Variants in ZBTB11 observed in about 807,000 individuals in gnomAD.
ZBTB11 encodes the protein zinc finger and BTB domain containing 11.
Under a neutral mutation model 113.1 loss-of-function variants are expected in ZBTB11, and 68 were observed. The ratio of observed to expected loss-of-function variants is 0.60; its 90% CI spans 0.49 to 0.74. The LOEUF is 0.74. Ranked by LOEUF, ZBTB11 falls within the 30% of genes least tolerant of loss-of-function variation. ZBTB11 has a pLI of 0.00. For synonymous variants in ZBTB11, 518 were observed against 452.6 expected, an observed-to-expected ratio of 1.14 and a Z score of -1.83; for missense variants, 1,104 against 1,279.4, an observed-to-expected ratio of 0.86 and a Z score of 2.09.
intron 1 of ZBTB11, 92 bp from the exon 2 acceptor site, chr3:101,672,305 C>A: frequency 1.2e-6 from 1 of 821,934 alleles, no homozygotes; most frequent in Non-Finnish European, 1.9e-6. Context: ...CATTTCAGTA[C>A]ATATGTGCAG....
Position 101,651,114 on chromosome 3 carries a change from T to C in ZBTB11, c.*52A>G. The C allele has an allele frequency of 6.7e-7, 1 of 1,501,414 alleles. No individual in the cohort carries two copies. Among genetic ancestry groups the C allele is most frequent in the Non-Finnish European group, 8.9e-7 (1 of 1,126,600 alleles). The allele number at this position is 1,501,414 out of a possible 1,614,324, so 93.0% of individuals were successfully genotyped here. ...CACACAGAATTGTAAACAAATGTTCTGTGAGTTCAGTGTACAAGAGATGTC... is the reference window on the plus strand; with the variant it reads ...CACACAGAATTGTAAACAAATGTTCCGTGAGTTCAGTGTACAAGAGATGTC... On this transcript the variant is annotated 3_prime_UTR_variant, in exon 11 of 11. Coordinates refer to ENST00000312938, the MANE Select transcript of ZBTB11 (RefSeq NM_014415.4).
chr3:101,654,115 C>T lies in ZBTB11; in HGVS notation c.2309+589G>A, dbSNP rs188960081. Among the ~76,000 whole-genome samples, 687 of 152,128 alleles carry T rather than the reference C, an allele frequency of 4.5e-3. 9 individuals are homozygous for T. The highest frequency in any genetic ancestry group is 0.016 in the African/African-American group (649 of 41,482). On this transcript the variant is annotated intron_variant, in intron 8 of 10. Coordinates refer to ENST00000312938, the MANE Select transcript of ZBTB11 (RefSeq NM_014415.4). ...AGTGCAGTGGTGTGATCTTGGCTCA[C>T]TGCAACCTCCCACCTCCAGGGTTCA...
In ZBTB11 at chr3:101,656,135, C is replaced by T; in HGVS notation, c.2160G>A (p.Arg720=). ...GAATACTCATATGTTCTTGAAGACTCCGTTTGGTAACAAATGACTTAACAC... is the reference window on the plus strand; with the variant it reads ...GAATACTCATATGTTCTTGAAGACTTCGTTTGGTAACAAATGACTTAACAC... ...ELCVKSFVTK[R]SLQEHMSIHT... Residue 720 remains arginine (R), a synonymous_variant, in exon 7 of 11, where the codon CGG becomes CGA. Transcript: ENST00000312938. The T allele has an allele frequency of 6.3e-7, 1 of 1,591,142 alleles. No individual in the cohort carries two copies. Among genetic ancestry groups the T allele is most frequent in the Non-Finnish European group, 8.5e-7 (1 of 1,170,386 alleles).
At position 101,676,794 on chromosome 3, in the gene ZBTB11, C is replaced by G; in HGVS notation, c.121G>C (p.Val41Leu). The G allele has an allele frequency of 6.2e-7, 1 of 1,612,006 alleles. No individual in the cohort carries two copies. The highest frequency in any genetic ancestry group is 8.5e-7 in the Non-Finnish European group (1 of 1,179,450). ...RKIRKAAACYVVRGGTLYYQR... is the reference protein window; with the variant it reads ...RKIRKAAACYLVRGGTLYYQR... The stretch of plus-strand genomic sequence containing the variant: ...TAATACAGAGTCCCGCCGCGCACCA[C>G]GTAGCAGGCGGCAGCTTTTCGGATT... The change falls in exon 1 of 11, where the codon GTG becomes CTG. Residue 41 changes from valine (V) to leucine (L), a missense_variant. By Grantham distance (32) the Val-to-Leu change is conservative. Coordinates refer to ENST00000312938, the MANE Select transcript of ZBTB11 (RefSeq NM_014415.4).
chr3:101,674,450 C>T (rs7651404), intron 1 of ZBTB11, among the ~76,000 whole-genome samples: 4 of 151,754 alleles, frequency 2.6e-5, no homozygotes, highest in East Asian at 1.9e-4. Flanking sequence ...GTGGCTTACA[C>T]CCGTAATCCC....
chr3:101,650,556 C>T lies in ZBTB11; in HGVS notation c.*610G>A, dbSNP rs1365825758. 3 of 152,486 alleles carry T rather than the reference C, an allele frequency of 2.0e-5. No homozygotes were observed. The highest frequency in any genetic ancestry group is 4.4e-5 in the Non-Finnish European group (3 of 68,002). The allele number at this position is 152,486 out of a possible 1,614,324, so 9.4% of individuals were successfully genotyped here. A position where few individuals can be genotyped will look rare whatever the true frequency, so the allele number is the denominator to read the frequency against. Reference sequence around the variant, plus strand: ...TAAATATATTGTGCAAACTTGATTACAACATGTAACTCATAAGTGCTTTAA... The same window carrying T: ...TAAATATATTGTGCAAACTTGATTATAACATGTAACTCATAAGTGCTTTAA... On this transcript the variant is annotated 3_prime_UTR_variant, in exon 11 of 11. Transcript: ENST00000312938.
At chr3:101,671,666 A>G in intron 2 of ZBTB11, 1 of 576,524 alleles carries the variant, frequency 1.7e-6, no homozygotes, top group Non-Finnish European at 3.0e-6. Context: ...GATTAATTTT[A>G]CCTTGGGGCG....
At position 101,650,926 on chromosome 3, in the gene ZBTB11, T is replaced by A. The variant is rs1936689991; in HGVS notation, c.*240A>T. The A allele has an allele frequency of 2.9e-6, 1 of 342,882 alleles. No individual in the cohort carries two copies. Among genetic ancestry groups the A allele is most frequent in the Non-Finnish European group, 5.3e-6 (1 of 189,408 alleles). 21.2% of individuals were successfully genotyped at this position (342,882 alleles called of 1,614,324 possible). A position where few individuals can be genotyped will look rare whatever the true frequency, so the allele number is the denominator to read the frequency against. Reference sequence around the variant, plus strand: ...CATGATAAACCACTGCCATCAAATATTAGGTTGGTGCAAAAGCAATTGCAC... The same window carrying A: ...CATGATAAACCACTGCCATCAAATAATAGGTTGGTGCAAAAGCAATTGCAC... On this transcript the variant is annotated 3_prime_UTR_variant, in exon 11 of 11. Transcript: ENST00000312938.
At position 101,654,778 on chromosome 3, in the gene ZBTB11, A is replaced by T; in HGVS notation, c.2235T>A (p.His745Gln). The T allele has an allele frequency of 6.2e-7, 1 of 1,614,198 alleles. No homozygotes were observed. Among genetic ancestry groups the T allele is most frequent in the East Asian group, 2.2e-5 (1 of 44,882 alleles). ...YLCSVCGKSF[H>Q]RGSGLSKHFK... Reference sequence around the variant, plus strand: ...AGTGCTTGCTGAGTCCAGAGCCCCTATGAAAAGACTTTCCACAAACTGAGC... The same window carrying T: ...AGTGCTTGCTGAGTCCAGAGCCCCTTTGAAAAGACTTTCCACAAACTGAGC... The change falls in exon 8 of 11, where the codon CAT (histidine) becomes CAA (glutamine). Residue 745 changes from histidine (H) to glutamine (Q), a missense_variant. By Grantham distance (24) the His-to-Gln change is conservative. Transcript: ENST00000312938.
In ZBTB11 at chr3:101,648,997, G is replaced by A. The variant is rs1936650329; in HGVS notation, c.*2169C>T. On this transcript the variant is annotated 3_prime_UTR_variant, in exon 11 of 11. Coordinates refer to ENST00000312938, the MANE Select transcript of ZBTB11 (RefSeq NM_014415.4). ...AGCAGGATGGATGGGGAGCTGGAAA[G>A]GGGATGGAGTGGGAAGATGATCTCC... 6.6e-6 allele frequency: 1 copy of A among 152,268 alleles called. No individual in the cohort carries two copies. The highest frequency in any genetic ancestry group is 2.4e-5 in the African/African-American group (1 of 41,448). 9.4% of individuals were successfully genotyped at this position (152,268 alleles called of 1,614,324 possible). A position where few individuals can be genotyped will look rare whatever the true frequency, so the allele number is the denominator to read the frequency against.
intron 10 of ZBTB11, 72 bp downstream of exon 10, chr3:101,652,424 C>G: frequency 7.0e-7 from 1 of 1,431,242 alleles, no homozygotes; most frequent in Non-Finnish European, 9.5e-7. Context: ...GGTGAAAGAG[C>G]TGGTAAAGGG....
At chr3:101,675,445 T>C (rs1056912401) in intron 1 of ZBTB11, among the ~76,000 whole-genome samples, 1 of 152,240 alleles carries the variant, frequency 6.6e-6, no homozygotes, top group Non-Finnish European at 1.5e-5. Context: ...ATTCAGTAAT[T>C]TCGTTATTCA....
intron 8 of ZBTB11, among the ~76,000 whole-genome samples, chr3:101,654,220 T>G: frequency 6.6e-6 from 1 of 152,088 alleles, no homozygotes; most frequent in Non-Finnish European, 1.5e-5. Context: ...TTGGTATTCT[T>G]AGTAGAGATG....
chr3:101,676,504 T>G, intron 1 of ZBTB11, 101 bp downstream of exon 1: 1 of 1,273,032 alleles, frequency 7.9e-7, no homozygotes. Context: ...CCCAGAGGCG[T>G]CCGAGACCCT....
At position 101,677,062 on chromosome 3, in the gene ZBTB11, G is replaced by T; in HGVS notation, c.-148C>A. On this transcript the variant is annotated 5_prime_UTR_variant, in exon 1 of 11. Transcript: ENST00000312938. ...CGCTCTTCGACGGCTCCCTTAGTCCGAAGGAAAAGCGGGCGAGTTGGTAAC... is the reference window on the plus strand; with the variant it reads ...CGCTCTTCGACGGCTCCCTTAGTCCTAAGGAAAAGCGGGCGAGTTGGTAAC... The T allele has an allele frequency of 1.1e-6, 1 of 892,460 alleles. No individual in the cohort carries two copies. Among genetic ancestry groups the T allele is most frequent in the South Asian group, 1.9e-5 (1 of 51,392 alleles). The allele number at this position is 892,460 out of a possible 1,614,324, so 55.3% of individuals were successfully genotyped here.
Position 101,665,361 on chromosome 3 carries a change from A to G in ZBTB11, c.1226T>C (p.Met409Thr). Residue 409 changes from methionine to threonine, a missense_variant, in exon 4 of 11, where the codon ATG (methionine) becomes ACG (threonine). By Grantham distance (81) the Met-to-Thr change is moderately conservative. Coordinates refer to ENST00000312938, the MANE Select transcript of ZBTB11 (RefSeq NM_014415.4). ...VGCIADSHPE[M>T]ESVDLITKNN... ...TTTTGTTATTAAATCAACAGACTCC[A>G]TTTCAGGATGGGAATCAGCTATACA... 6.2e-7 allele frequency: 1 copy of G among 1,614,200 alleles called. No homozygotes were observed. The highest frequency in any genetic ancestry group is 8.5e-7 in the Non-Finnish European group (1 of 1,180,038).
At position 101,671,159 on chromosome 3, in the gene ZBTB11, G is replaced by C. The variant is rs758963567; in HGVS notation, c.749C>G (p.Ser250Cys). The change falls in exon 3 of 11, where the codon TCC becomes TGC. Residue 250 changes from serine to cysteine, a missense_variant. Ser to Cys is a moderately radical substitution (Grantham distance 112, BLOSUM62 -1). Coordinates refer to ENST00000312938, the MANE Select transcript of ZBTB11 (RefSeq NM_014415.4). Reference protein sequence around the residue: ...RDLFIEKGAVSSHEAVVDLSG... With the variant: ...RDLFIEKGAVCSHEAVVDLSG... ...AAGATCCACCACAGCCTCATGACTG[G>C]AAACAGCTCCTTTCTCAATAAAAAG... 2 of 1,614,114 alleles carry C rather than the reference G, an allele frequency of 1.2e-6. No homozygotes were observed. Among genetic ancestry groups the C allele is most frequent in the Admixed American group, 3.3e-5 (2 of 60,006 alleles).
chr3:101,676,926 GCTCC>G lies in ZBTB11; in HGVS notation c.-16_-13del. On this transcript the variant is annotated 5_prime_UTR_variant, in exon 1 of 11. Coordinates refer to ENST00000312938, the MANE Select transcript of ZBTB11 (RefSeq NM_014415.4). ...TCCTCGCTTGACATCGCGGACCGCG[GCTCC>G]CTGAGGGCGCCTGTCAGGGACAGGT... 1.3e-6 allele frequency: 2 copies of G among 1,552,538 alleles called. No homozygotes were observed. The highest frequency in any genetic ancestry group is 1.2e-5 in the South Asian group (1 of 83,682).
At chr3:101,664,938 A>G (rs1471651946) in intron 4 of ZBTB11, 26 bp downstream of exon 4, 1 of 1,574,928 alleles carries the variant, frequency 6.3e-7, no homozygotes, top group East Asian at 2.2e-5. Context: ...CTAAAACTAC[A>G]AAGGTCAACC....
Sources: allele counts gnomAD v4.1 joint callset (sites outside exome capture counted in the v4.1 genomes callset), GRCh38; gene constraint gnomAD v4.1.1; transcripts MANE v1.5; gene names NCBI Gene and HGNC (gene_info 2026-07-23, HGNC 2026-07-21).